DCDC2: variants seen among roughly 807,000 people sequenced by gnomAD.
DCDC2 encodes the protein doublecortin domain-containing protein 2.
DCDC2 carries 40 observed loss-of-function variants against 50.2 expected under a neutral mutation model. That is an observed-to-expected ratio of 0.80 (90% confidence interval 0.62 to 1.04). The LOEUF (loss-of-function observed/expected upper bound fraction) is 1.04, where lower values mean the gene tolerates loss of function less well. DCDC2 is among the 50% of genes least tolerant of loss of function. DCDC2 has a pLI of 0.00. For synonymous variants in DCDC2, 234 were observed against 210.6 expected, an observed-to-expected ratio of 1.11 and a Z score of -0.96; for missense variants, 570 against 581.9, an observed-to-expected ratio of 0.98 and a Z score of 0.21.
intron 8 of DCDC2, among the ~76,000 whole-genome samples, chr6:24,200,244 T>G (rs1249399265): frequency 6.6e-6 from 1 of 152,146 alleles, no homozygotes; most frequent in Non-Finnish European, 1.5e-5. Flanking sequence ...GAAAAAATGT[T>G]AAGGGCAGCC....
At chr6:24,357,327 G>C in intron 1 of DCDC2, 131 bp downstream of exon 1, 3 of 1,077,118 alleles carry the variant, frequency 2.8e-6, no homozygotes, top group Admixed American at 2.8e-5. Context: ...GTTTTGAGGG[G>C]CATCAATCAC....
intron 2 of DCDC2, among the ~76,000 whole-genome samples, chr6:24,331,822 T>C (rs1759969970): frequency 6.6e-6 from 1 of 152,136 alleles, no homozygotes; most frequent in Non-Finnish European, 1.5e-5. Flanking sequence ...ATATTGGTAA[T>C]CCTCCACAGG....
chr6:24,215,129 G>A (rs1183893272), intron 7 of DCDC2, among the ~76,000 whole-genome samples: 1 of 152,130 alleles, frequency 6.6e-6, no homozygotes, highest in Non-Finnish European at 1.5e-5. Context: ...AATGGGGAGA[G>A]GAGAACAAAG....
intron 8 of DCDC2, among the ~76,000 whole-genome samples, chr6:24,197,940 GCTGA>G (rs1761482874): frequency 6.6e-6 from 1 of 152,114 alleles, no homozygotes. Context: ...AAAAAGCATA[GCTGA>G]CTTTTATTTC....
At chr6:24,230,881 T>C (rs958796620) in intron 7 of DCDC2, among the ~76,000 whole-genome samples, 5 of 152,254 alleles carry the variant, frequency 3.3e-5, no homozygotes, top group African/African-American at 4.8e-5. Flanking sequence ...CTTCTACCAC[T>C]ATCTTCATTT....
chr6:24,218,085 G>GT (rs1055802684), intron 7 of DCDC2, among the ~76,000 whole-genome samples: 18 of 2,998 alleles, frequency 6.0e-3, no homozygotes, highest in African/African-American at 6.5e-3. Context: ...ACACAAATAT[G>GT]CCTATATCAG....
At chr6:24,207,887 C>T (rs983994850) in intron 7 of DCDC2, among the ~76,000 whole-genome samples, 1 of 152,174 alleles carries the variant, frequency 6.6e-6, no homozygotes, top group African/African-American at 2.4e-5. Flanking sequence ...CATGGGCATC[C>T]TGATTTTGAT....
chr6:24,253,210 G>C (rs572909154), intron 7 of DCDC2, among the ~76,000 whole-genome samples: 3 of 151,822 alleles, frequency 2.0e-5, no homozygotes, highest in Admixed American at 1.3e-4. Flanking sequence ...AAAATAAAAC[G>C]AATGTACAAT....
At chr6:24,315,957 G>A (rs557555151) in intron 2 of DCDC2, among the ~76,000 whole-genome samples, 5 of 152,290 alleles carry the variant, frequency 3.3e-5, no homozygotes, top group East Asian at 1.9e-4. Flanking sequence ...AAGAAAAGTG[G>A]GTGAAGCCTA....
At chr6:24,195,919 G>T (rs193001162) in intron 8 of DCDC2, among the ~76,000 whole-genome samples, 1 of 152,164 alleles carries the variant, frequency 6.6e-6, no homozygotes, top group African/African-American at 2.4e-5. Flanking sequence ...TGAAAGCAAA[G>T]ACTTCTAAAA....
At chr6:24,352,342 G>A (rs1055978131) in intron 2 of DCDC2, among the ~76,000 whole-genome samples, 2 of 152,050 alleles carry the variant, frequency 1.3e-5, no homozygotes, top group African/African-American at 4.8e-5. Flanking sequence ...ATCACATCCA[G>A]AACAAATTCA....
chr6:24,356,347 C>T (rs1405842493), intron 1 of DCDC2, among the ~76,000 whole-genome samples: 2 of 152,064 alleles, frequency 1.3e-5, no homozygotes, highest in Non-Finnish European at 2.9e-5. Flanking sequence ...TATGATATGT[C>T]CAGAATAGAC....
chr6:24,282,678 A>T (rs568637676), intron 6 of DCDC2, among the ~76,000 whole-genome samples: 1 of 151,788 alleles, frequency 6.6e-6, no homozygotes, highest in East Asian at 1.9e-4. Context: ...ACCAAAAAAC[A>T]TCAAATTTAA....
At chr6:24,358,905 TTATATATTA>T (rs1561788506), upstream of DCDC2, among the ~76,000 whole-genome samples, 10 of 35,258 alleles carry the variant, frequency 2.8e-4, no homozygotes, top group Admixed American at 3.3e-3. Flanking sequence ...ATATAATATA[TTATATATTA>T]TATATATTAT....
chr6:24,254,298 T>C (rs1762850353), intron 7 of DCDC2, among the ~76,000 whole-genome samples: 1 of 152,206 alleles, frequency 6.6e-6, no homozygotes, highest in Non-Finnish European at 1.5e-5. Flanking sequence ...AAATATAGCA[T>C]AGTAAATAAA....
chr6:24,289,798 A>C (rs988316573), intron 5 of DCDC2, among the ~76,000 whole-genome samples: 7 of 152,140 alleles, frequency 4.6e-5, no homozygotes, highest in African/African-American at 1.7e-4. Context: ...CAAATTGTGA[A>C]TTAATTGCAA....
chr6:24,363,849 C>T, the DCDC2 span, among the ~76,000 whole-genome samples: 2 of 152,276 alleles, frequency 1.3e-5, no homozygotes, highest in South Asian at 4.1e-4. Flanking sequence ...CCTGAAAGGT[C>T]GCTGAAAACA....
chr6:24,323,110 C>T (rs1457325231), intron 2 of DCDC2, among the ~76,000 whole-genome samples: 4 of 152,264 alleles, frequency 2.6e-5, no homozygotes, highest in Admixed American at 6.5e-5. Context: ...TTCGGGAGGC[C>T]GAGGCAGGAG....
chr6:24,293,382 G>A (rs1228948445), intron 4 of DCDC2, among the ~76,000 whole-genome samples: 2 of 152,158 alleles, frequency 1.3e-5, no homozygotes, highest in African/African-American at 4.8e-5. Flanking sequence ...CTGATGCATA[G>A]GGAGGGGCCA....
Sources: gnomAD v4.1 joint callset for allele counts (sites outside exome capture counted in the v4.1 genomes callset) on GRCh38, gnomAD v4.1.1 for gene constraint, MANE v1.5 for transcripts, NCBI Gene and HGNC (gene_info 2026-07-23, HGNC 2026-07-21) for gene names.